EFR3B: variants seen among roughly 807,000 people sequenced by gnomAD.
EFR3B encodes EFR3 homolog B.
EFR3B carries 64 observed loss-of-function variants against 104.7 expected under a neutral mutation model. The observed-to-expected ratio is 0.61, with a 90% CI of 0.50 to 0.75. EFR3B has a LOEUF of 0.75. Among genes scored for constraint, EFR3B ranks in the 30% least tolerant of loss-of-function variants. EFR3B has a pLI of 0.00. For synonymous variants in EFR3B, 385 were observed against 417.9 expected, an observed-to-expected ratio of 0.92 and a Z score of 0.96; for missense variants, 750 against 1,078.5, an observed-to-expected ratio of 0.70 and a Z score of 4.27.
intron 1 of EFR3B, among the ~76,000 whole-genome samples, chr2:25,061,733 T>G (rs1291231191): frequency 6.6e-6 from 1 of 151,720 alleles, no homozygotes; most frequent in African/African-American, 2.4e-5. Context: ...TGACCTCAGG[T>G]GATCCACCCG....
At chr2:25,143,526 G>A (rs1037624938) in intron 17 of EFR3B, among the ~76,000 whole-genome samples, 5 of 152,038 alleles carry the variant, frequency 3.3e-5, no homozygotes, top group African/African-American at 7.2e-5. Flanking sequence ...CTGGCGTGGT[G>A]GCAGGTGCCT....
chr2:25,130,372 G>C lies in EFR3B; in HGVS notation c.771-180G>C, dbSNP rs1278902145. The stretch of plus-strand genomic sequence containing the variant: ...CACACATCCACAACTGCAGAGCGCT[G>C]TCCTTGGCCTCTCTCCAGCACTGGA... On this transcript the variant is annotated intron_variant, in intron 7 of 22. Transcript: ENST00000403714. This position sits in a 1 kb window ranked among gnomAD's most constrained non-coding sequence, Gnocchi z 4.6. Among the ~76,000 whole-genome samples, 3 of 152,222 alleles carry C rather than the reference G, an allele frequency of 2.0e-5. No individual in the cohort carries two copies. Among genetic ancestry groups the C allele is most frequent in the African/African-American group, 4.8e-5 (2 of 41,456 alleles).
intron 1 of EFR3B, among the ~76,000 whole-genome samples, chr2:25,087,664 G>A (rs1668994182): frequency 6.6e-6 from 1 of 151,896 alleles, no homozygotes; most frequent in South Asian, 2.1e-4. Context: ...GTAGAGATGG[G>A]GTTTCACCAT....
chr2:25,133,860 G>A (rs577467032), intron 12 of EFR3B, among the ~76,000 whole-genome samples: 3 of 152,118 alleles, frequency 2.0e-5, no homozygotes, highest in Non-Finnish European at 4.4e-5. Context: ...TTCCCATGCT[G>A]TGTTTTATTT....
chr2:25,144,980 A>C lies in EFR3B; in HGVS notation c.2071A>C (p.Arg691=). The change falls in exon 19 of 23, where the codon AGG becomes CGG. Residue 691 remains arginine (R), a synonymous_variant. Transcript: ENST00000403714. ...QLTDEDRLSK[R]RSIGETISLQ... ...CCCAGATGAGGATCGTTTATCCAAG[A>C]GGAGGAGCATTGGAGAGACCATCTC... 1 of 1,551,732 alleles carries C rather than the reference A, an allele frequency of 6.4e-7. No homozygotes were observed. The highest frequency in any genetic ancestry group is 8.7e-7 in the Non-Finnish European group (1 of 1,147,004).
At chr2:25,141,336 A>G in intron 16 of EFR3B, 30 bp from the exon 17 acceptor site, 1 of 1,549,068 alleles carries the variant, frequency 6.5e-7, no homozygotes. Flanking sequence ...CTGCTGAACC[A>G]GCTCTTATCT....
At chr2:25,063,086 A>G (rs950775204) in intron 1 of EFR3B, among the ~76,000 whole-genome samples, 1 of 27,268 alleles carries the variant, frequency 3.7e-5, no homozygotes, top group African/African-American at 1.5e-4. Context: ...AACCCGCCCC[A>G]CCCACCACCC....
rs1006200356 is a variant in EFR3B, at chr2:25,070,992, G to A, written c.8-20333G>A. 2.0e-5 allele frequency among the ~76,000 whole-genome samples: 3 copies of A among 152,178 alleles called. No homozygotes were observed. In the East Asian group the frequency reaches 5.8e-4, roughly 29 times the overall value. Reference sequence around the variant, plus strand: ...CTTTTCTTTTTTGAGACGGAGTCTCGCTCTGTCGCCCAGACTGGAGTGCAC... The same window carrying A: ...CTTTTCTTTTTTGAGACGGAGTCTCACTCTGTCGCCCAGACTGGAGTGCAC... On this transcript the variant is annotated intron_variant, in intron 1 of 22. Transcript: ENST00000403714.
At position 25,152,006 on chromosome 2, in the gene EFR3B, C is replaced by A. The variant is rs749285945; in HGVS notation, c.2284C>A (p.His762Asn). The stretch of plus-strand genomic sequence containing the variant: ...GGCACCCTTCGAGGAGATTGCTGCA[C>A]ACTGCGGGGCCCGGGTAAGTGAAGC... ...QKAPFEEIAA[H>N]CGARASLLQS... is the part of the protein sequence containing the mutation. The change falls in exon 21 of 23, where the codon CAC becomes AAC. Residue 762 changes from histidine to asparagine, a missense_variant. Transcript: ENST00000403714. 134 of 1,551,694 alleles carry A rather than the reference C, an allele frequency of 8.6e-5. No individual in the cohort carries two copies. Among genetic ancestry groups the A allele is most frequent in the Non-Finnish European group, 1.1e-5 (13 of 1,147,000 alleles).
chr2:25,071,497 G>A (rs1047852275), intron 1 of EFR3B, among the ~76,000 whole-genome samples: 5 of 152,022 alleles, frequency 3.3e-5, no homozygotes, highest in Admixed American at 1.3e-4. Context: ...CTGACCTCGC[G>A]ATCCACCCGC....
At chr2:25,139,850 C>T in intron 16 of EFR3B, among the ~76,000 whole-genome samples, 1 of 152,210 alleles carries the variant, frequency 6.6e-6, no homozygotes, top group Non-Finnish European at 1.5e-5. Flanking sequence ...CACCTCCCTA[C>T]ATGACTGCCA....
intron 3 of EFR3B, among the ~76,000 whole-genome samples, chr2:25,099,178 C>T (rs1669364698): frequency 6.6e-6 from 1 of 152,148 alleles, no homozygotes; most frequent in Non-Finnish European, 1.5e-5. Flanking sequence ...AGGGCTCCAG[C>T]CCAGTCTGCT....
rs1393117628 is a variant in EFR3B at position 25,154,075 on chromosome 2, A to G, written c.2349-160A>G. Among the ~76,000 whole-genome samples the G allele has an allele frequency of 5.3e-5, 8 of 152,234 alleles. No individual in the cohort carries two copies. Among genetic ancestry groups the G allele is most frequent in the Non-Finnish European group, 1.0e-4 (7 of 68,046 alleles). Reference sequence around the variant, plus strand: ...AGGGAAGCTTGACTCCAAGCTGTAGATTCTAGTAGAACGTGGAATCCTGGG... The same window carrying G: ...AGGGAAGCTTGACTCCAAGCTGTAGGTTCTAGTAGAACGTGGAATCCTGGG... On this transcript the variant is annotated intron_variant, in intron 22 of 22. Transcript: ENST00000403714. This position sits in a 1 kb window ranked among gnomAD's most constrained non-coding sequence, Gnocchi z 4.1.
chr2:25,053,226 T>A (rs1174218592), intron 1 of EFR3B, among the ~76,000 whole-genome samples: 1 of 152,240 alleles, frequency 6.6e-6, no homozygotes, highest in Non-Finnish European at 1.5e-5. Flanking sequence ...TCTGGATCAC[T>A]TCTCTCACTT....
intron 1 of EFR3B, among the ~76,000 whole-genome samples, chr2:25,065,207 G>A (rs1191333871): frequency 6.6e-6 from 1 of 152,046 alleles, no homozygotes; most frequent in Non-Finnish European, 1.5e-5. Context: ...TTGAGACAAG[G>A]TCTCGCTCTG....
At chr2:25,093,927 A>G (rs1408581378) in intron 3 of EFR3B, among the ~76,000 whole-genome samples, 5 of 152,244 alleles carry the variant, frequency 3.3e-5, no homozygotes, top group African/African-American at 9.6e-5. Context: ...GAGAGAAGAA[A>G]TCTTAAAGCA....
At chr2:25,095,610 C>A (rs553149911) in intron 3 of EFR3B, among the ~76,000 whole-genome samples, 1 of 152,044 alleles carries the variant, frequency 6.6e-6, no homozygotes, top group Non-Finnish European at 1.5e-5. Context: ...ATGGGGTAAT[C>A]GCTTGAACCC....
At chr2:25,121,886 T>G (rs1573218036) in intron 5 of EFR3B, 92 bp downstream of exon 5, 1 of 1,509,454 alleles carries the variant, frequency 6.6e-7, no homozygotes. Flanking sequence ...ATTGCGTGTC[T>G]GCTTTTGTTA....
At chr2:25,148,792 G>T (rs1275772659) in intron 19 of EFR3B, among the ~76,000 whole-genome samples, 58 of 150,862 alleles carry the variant, frequency 3.8e-4, no homozygotes, top group African/African-American at 1.4e-3. Context: ...CGTAGTGGTG[G>T]GCGCCTGTAG....
Sources: allele counts gnomAD v4.1 joint callset (sites outside exome capture counted in the v4.1 genomes callset), GRCh38; gene constraint gnomAD v4.1.1; non-coding constraint Gnocchi (gnomAD v3.1); transcripts MANE v1.5; gene names NCBI Gene and HGNC (gene_info 2026-07-23, HGNC 2026-07-21).